The following RPL39L variants were observed in gnomAD, a reference collection of about 807,000 sequenced individuals.
RPL39L encodes ribosomal protein L39 like.
For missense variants in RPL39L, 48 were observed against 58.9 expected (o/e 0.81, Z 0.61); for synonymous variants, 16 against 20.1 (o/e 0.80, Z 0.55).
At chr3:187,134,483 T>TAAAAAAAAAAAAAAAAAAAAAAAA (rs72169562) in intron 1 of RPL39L, among the ~76,000 whole-genome samples, 50 of 93,354 alleles carry the variant, frequency 5.4e-4, no homozygotes, top group African/African-American at 2.0e-3. Flanking sequence ...GCCTGACTGA[T>TAAAAAAAAAAAAAAAAAAAAAAAA]AAAAAAAAAA....
intron 1 of RPL39L, among the ~76,000 whole-genome samples, chr3:187,129,970 T>G (rs1317190792): frequency 1.3e-5 from 2 of 152,122 alleles, no homozygotes; most frequent in African/African-American, 4.8e-5. Context: ...CATTAGTGAT[T>G]TCCCTTGGGC....
chr3:187,133,973 G>T (rs1720528821), intron 1 of RPL39L, among the ~76,000 whole-genome samples: 1 of 152,130 alleles, frequency 6.6e-6, no homozygotes. Context: ...AAGATGCTTG[G>T]CATTTGATAA....
intron 1 of RPL39L, among the ~76,000 whole-genome samples, chr3:187,132,698 C>A (rs940437870): frequency 1.3e-5 from 2 of 152,156 alleles, no homozygotes; most frequent in Non-Finnish European, 2.9e-5. Context: ...GATGTAGAAA[C>A]CTAGAAAGAG....
At position 187,127,864 on chromosome 3, in the gene RPL39L, T is replaced by C. The variant is rs554376332; in HGVS notation, c.-29+135A>G. On this transcript the variant is annotated intron_variant, in intron 2 of 2. Coordinates refer to ENST00000296277, the MANE Select transcript of RPL39L (RefSeq NM_052969.3). ...ACTTGTTTAAAATTCAGATATACTATCTACAGCCTTCATCCCTAATTTAAA... is the reference window on the plus strand; with the variant it reads ...ACTTGTTTAAAATTCAGATATACTACCTACAGCCTTCATCCCTAATTTAAA... 14 of 152,362 alleles carry C rather than the reference T, an allele frequency of 9.2e-5. No homozygotes were observed. The South Asian group carries it at 2.9e-3, about 32-fold the overall frequency. 9.4% of individuals were successfully genotyped at this position (152,362 alleles called of 1,614,324 possible). A position where few individuals can be genotyped will look rare whatever the true frequency, so the allele number is the denominator to read the frequency against.
At chr3:187,131,283 G>A (rs1720480979) in intron 1 of RPL39L, among the ~76,000 whole-genome samples, 1 of 152,258 alleles carries the variant, frequency 6.6e-6, no homozygotes, top group African/African-American at 2.4e-5. Flanking sequence ...GGGAGGCTGA[G>A]GCAGGCACAT....
At chr3:187,129,761 T>A (rs1720455810) in intron 1 of RPL39L, among the ~76,000 whole-genome samples, 2 of 152,102 alleles carry the variant, frequency 1.3e-5, no homozygotes, top group Admixed American at 1.3e-4. Flanking sequence ...AACCAATCTA[T>A]AAAATTGCTG....
chr3:187,122,017 C>T (rs1720318824), intron 2 of RPL39L, among the ~76,000 whole-genome samples: 1 of 152,164 alleles, frequency 6.6e-6, no homozygotes, highest in African/African-American at 2.4e-5. Context: ...AATTCATCCC[C>T]ACAACACTTA....
At chr3:187,134,424 G>A (rs1267971184) in intron 1 of RPL39L, among the ~76,000 whole-genome samples, 1 of 140,038 alleles carries the variant, frequency 7.1e-6, no homozygotes, top group Admixed American at 7.4e-5. Context: ...AGCCTCATAC[G>A]ACAAAGAATT....
chr3:187,122,894 T>G (rs530774685), intron 2 of RPL39L, among the ~76,000 whole-genome samples: 1 of 152,290 alleles, frequency 6.6e-6, no homozygotes, highest in South Asian at 2.1e-4. Context: ...GATACTTCTG[T>G]GAATTTCAGC....
chr3:187,128,387 A>C (rs946434949), intron 1 of RPL39L, among the ~76,000 whole-genome samples: 3 of 152,226 alleles, frequency 2.0e-5, no homozygotes, highest in Admixed American at 1.3e-4. Flanking sequence ...AGATTCTTCC[A>C]AAAACTTCAA....
At chr3:187,131,517 CAGAG>C (rs1265355117) in intron 1 of RPL39L, among the ~76,000 whole-genome samples, 1 of 152,144 alleles carries the variant, frequency 6.6e-6, no homozygotes, top group African/African-American at 2.4e-5. Flanking sequence ...GCCTGGGAGA[CAGAG>C]AGAGACTCCT....
intron 1 of RPL39L, among the ~76,000 whole-genome samples, chr3:187,137,338 G>A (rs1460811182): frequency 2.6e-5 from 4 of 151,282 alleles, no homozygotes; most frequent in South Asian, 2.1e-4. Context: ...GTGAAACCCC[G>A]TCTCTACTAA....
intron 2 of RPL39L, among the ~76,000 whole-genome samples, chr3:187,123,246 GT>G (rs1204138983): frequency 1.3e-5 from 2 of 152,158 alleles, no homozygotes; most frequent in Admixed American, 1.3e-4. Flanking sequence ...CTAAGTTGGG[GT>G]ATAGTGTGGG....
chr3:187,130,406 GTT>G (rs1412698415), intron 1 of RPL39L, among the ~76,000 whole-genome samples: 13 of 152,228 alleles, frequency 8.5e-5, no homozygotes, highest in African/African-American at 2.7e-4. Flanking sequence ...AGTGGGAGGT[GTT>G]TGGGTCGTAG....
At chr3:187,126,155 T>C (rs1720393677) in intron 2 of RPL39L, among the ~76,000 whole-genome samples, 1 of 151,810 alleles carries the variant, frequency 6.6e-6, no homozygotes, top group African/African-American at 2.4e-5. Flanking sequence ...TATAAACATC[T>C]ATTGGTTTCT....
chr3:187,138,593 C>G (rs1013044731), intron 1 of RPL39L, among the ~76,000 whole-genome samples: 1 of 152,208 alleles, frequency 6.6e-6, no homozygotes, highest in African/African-American at 2.4e-5. Context: ...GCTGATTAAA[C>G]CACTGATGAA....
chr3:187,127,445 T>C (rs1720417555), intron 2 of RPL39L, among the ~76,000 whole-genome samples: 4 of 152,352 alleles, frequency 2.6e-5, no homozygotes, highest in East Asian at 1.9e-4. Context: ...TGGTCACCTG[T>C]GTGGAGAAGG....
chr3:187,135,278 C>T (rs6783214), intron 1 of RPL39L, among the ~76,000 whole-genome samples: 6,480 of 152,092 alleles, frequency 0.043, 202 homozygotes, highest in East Asian at 0.13. Context: ...ACGGTAATAT[C>T]GTTTGGCTGT....
chr3:187,132,519 AATG>A (rs1373373386), intron 1 of RPL39L, among the ~76,000 whole-genome samples: 2 of 152,290 alleles, frequency 1.3e-5, no homozygotes, highest in Non-Finnish European at 2.9e-5. Flanking sequence ...CAGATGCTGA[AATG>A]ATTTTCCTTA....
Sources: gnomAD v4.1 joint callset for allele counts (sites outside exome capture counted in the v4.1 genomes callset) on GRCh38, gnomAD v4.1.1 for gene constraint, MANE v1.5 for transcripts, NCBI Gene and HGNC (gene_info 2026-07-23, HGNC 2026-07-21) for gene names.